The following PTGER4 variants were observed in gnomAD, a reference collection of about 807,000 sequenced individuals.
PTGER4 encodes the protein prostaglandin E2 receptor EP4 subtype.
Under a neutral mutation model 33.2 loss-of-function variants are expected in PTGER4, and 11 were observed. The observed-to-expected ratio is 0.33, with a 90% confidence interval of 0.21 to 0.55. The LOEUF (loss-of-function observed/expected upper bound fraction) is 0.55, where lower values mean the gene tolerates loss of function less well. Ranked by LOEUF, PTGER4 falls within the 20% of genes least tolerant of loss-of-function variation. The pLI is 0.92. For missense variants in PTGER4, 481 were observed against 650.2 expected (o/e 0.74, Z 2.83); for synonymous variants, 275 against 281.5 (o/e 0.98, Z 0.23).
At chr5:40,706,214 A>T in the PTGER4 span, among the ~76,000 whole-genome samples, 1 of 152,192 alleles carries the variant, frequency 6.6e-6, no homozygotes, top group Non-Finnish European at 1.5e-5. Context: ...TCCATAGCAA[A>T]CTAACACAGG....
the PTGER4 span, among the ~76,000 whole-genome samples, chr5:40,745,714 A>C: frequency 0.01 from 1,547 of 150,972 alleles, 21 homozygotes; most frequent in African/African-American, 0.032. Context: ...TGGAACTGGA[A>C]TCATACTAGA....
chr5:40,731,282 C>A, the PTGER4 span, among the ~76,000 whole-genome samples: 1 of 152,174 alleles, frequency 6.6e-6, no homozygotes, highest in Admixed American at 6.5e-5. Context: ...CCACTCCCTA[C>A]ACATACCTGT....
the PTGER4 span, among the ~76,000 whole-genome samples, chr5:40,732,462 G>A: frequency 6.6e-6 from 1 of 151,494 alleles, no homozygotes; most frequent in South Asian, 2.1e-4. Context: ...ACTATATCAA[G>A]TATGCCTCCC....
At chr5:40,687,976 T>C (rs545364858) in intron 2 of PTGER4, among the ~76,000 whole-genome samples, 2 of 152,334 alleles carry the variant, frequency 1.3e-5, no homozygotes, top group East Asian at 3.9e-4. Context: ...AATGATTCTT[T>C]CCTTGCCTCT....
the PTGER4 span, chr5:40,730,387 T>G: frequency 2.6e-6 from 4 of 1,516,036 alleles, no homozygotes; most frequent in Non-Finnish European, 3.6e-6. Flanking sequence ...TTCAATATGC[T>G]TTTTTGGACT....
At chr5:40,736,733 T>C in the PTGER4 span, among the ~76,000 whole-genome samples, 1 of 152,178 alleles carries the variant, frequency 6.6e-6, no homozygotes, top group Admixed American at 6.5e-5. Flanking sequence ...TGCTCTTTAA[T>C]CCTCCAAAAT....
the PTGER4 span, among the ~76,000 whole-genome samples, chr5:40,712,439 G>A: frequency 6.6e-6 from 1 of 152,088 alleles, no homozygotes; most frequent in South Asian, 2.1e-4. Flanking sequence ...ACAGACAGAT[G>A]GAGATTCAAT....
downstream of PTGER4, among the ~76,000 whole-genome samples, chr5:40,697,901 G>C (rs1741650538): frequency 6.6e-6 from 1 of 151,728 alleles, no homozygotes; most frequent in Non-Finnish European, 1.5e-5. Flanking sequence ...GCTGAGACAG[G>C]ATTGCTTGCA....
At chr5:40,740,790 T>G in the PTGER4 span, among the ~76,000 whole-genome samples, 2 of 152,192 alleles carry the variant, frequency 1.3e-5, no homozygotes, top group African/African-American at 4.8e-5. Context: ...CCACCCCATG[T>G]CCTCTCATAC....
chr5:40,717,783 G>A, the PTGER4 span, among the ~76,000 whole-genome samples: 1 of 152,192 alleles, frequency 6.6e-6, no homozygotes, highest in Non-Finnish European at 1.5e-5. Flanking sequence ...CACTTAATCG[G>A]CCAGGCACCA....
At chr5:40,706,655 G>A in the PTGER4 span, among the ~76,000 whole-genome samples, 1 of 151,618 alleles carries the variant, frequency 6.6e-6, no homozygotes, top group Non-Finnish European at 1.5e-5. Flanking sequence ...GTAAGGACAG[G>A]TTTCTTAGCA....
the PTGER4 span, among the ~76,000 whole-genome samples, chr5:40,701,215 T>C: frequency 6.6e-6 from 1 of 152,118 alleles, no homozygotes; most frequent in Non-Finnish European, 1.5e-5. Context: ...ATTCAGAATA[T>C]GGATAGGAAC....
intron 2 of PTGER4, chr5:40,685,548 T>C: frequency 1.4e-6 from 1 of 732,370 alleles, no homozygotes; most frequent in Non-Finnish European, 1.7e-6. Flanking sequence ...GTTTAAAAAA[T>C]TGCAATGCCT....
the PTGER4 span, among the ~76,000 whole-genome samples, chr5:40,726,160 T>TACAC: frequency 8.1e-5 from 12 of 148,144 alleles, no homozygotes; most frequent in African/African-American, 3.0e-4. Context: ...TATATATATA[T>TACAC]ACACACACAC....
At chr5:40,716,327 C>G in the PTGER4 span, 7 of 1,614,042 alleles carry the variant, frequency 4.3e-6, no homozygotes, top group South Asian at 1.1e-5. Context: ...AAGTCATAGT[C>G]TGGAATTGAC....
the PTGER4 span, among the ~76,000 whole-genome samples, chr5:40,709,024 G>A: frequency 6.6e-6 from 1 of 152,148 alleles, no homozygotes. Flanking sequence ...GTATTGATGG[G>A]ATGTATCTCA....
chr5:40,696,999 GGAAA>G (rs1372956864), downstream of PTGER4, among the ~76,000 whole-genome samples: 4 of 127,492 alleles, frequency 3.1e-5, no homozygotes, highest in South Asian at 2.5e-4. Flanking sequence ...AAAGAGAAAG[GGAAA>G]GAAAGAGAGA....
chr5:40,734,304 C>T, the PTGER4 span, among the ~76,000 whole-genome samples: 1 of 103,714 alleles, frequency 9.6e-6, no homozygotes, highest in Non-Finnish European at 2.0e-5. Flanking sequence ...TCTCTTAATT[C>T]AACTTCAGTT....
downstream of PTGER4, among the ~76,000 whole-genome samples, chr5:40,695,987 G>A (rs578188284): frequency 5.3e-5 from 8 of 152,064 alleles, no homozygotes; most frequent in Non-Finnish European, 1.2e-4. Flanking sequence ...TTCACTATTT[G>A]GGTACTGGGT....
Sources: allele counts gnomAD v4.1 joint callset (sites outside exome capture counted in the v4.1 genomes callset), GRCh38; gene constraint gnomAD v4.1.1; transcripts MANE v1.5; gene names NCBI Gene and HGNC (gene_info 2026-07-23, HGNC 2026-07-21).